The following PLPP1 variants were observed in gnomAD, a reference collection of about 807,000 sequenced individuals.
The protein encoded by PLPP1 is phospholipid phosphatase 1.
A neutral mutation model predicts 31.2 loss-of-function variants in PLPP1; 24 were observed. The ratio of observed to expected loss-of-function variants is 0.77; its 90% CI spans 0.56 to 1.08. The LOEUF is 1.08. PLPP1 is among the 50% of genes least tolerant of loss of function. The probability of loss-of-function intolerance (pLI) is 0.00; values close to 1 mark genes in which losing one functional copy is unlikely to be tolerated. For missense variants in PLPP1, 319 were observed against 342.7 expected, an observed-to-expected ratio of 0.93 and a Z score of 0.55; for synonymous variants, 146 against 126.3, an observed-to-expected ratio of 1.16 and a Z score of -1.05.
At chr5:55,431,659 T>C (rs1751351818) in intron 4 of PLPP1, among the ~76,000 whole-genome samples, 1 of 152,008 alleles carries the variant, frequency 6.6e-6, no homozygotes, top group Non-Finnish European at 1.5e-5. Context: ...ACATCAAAAA[T>C]CTAGAAAGAT....
chr5:55,484,269 C>T (rs1470964708), intron 1 of PLPP1: 2 of 152,190 alleles, frequency 1.3e-5, no homozygotes, highest in African/African-American at 2.4e-5. Flanking sequence ...GTCTCCTCTT[C>T]GTGATTTTCC....
At chr5:55,466,758 G>A (rs1752305469) in intron 3 of PLPP1, among the ~76,000 whole-genome samples, 1 of 151,822 alleles carries the variant, frequency 6.6e-6, no homozygotes, top group South Asian at 2.1e-4. Flanking sequence ...GCAGGCCCAC[G>A]TTGCTTTCAA....
intron 1 of PLPP1, among the ~76,000 whole-genome samples, chr5:55,519,246 A>G (rs1753613847): frequency 6.6e-6 from 1 of 152,250 alleles, no homozygotes; most frequent in Non-Finnish European, 1.5e-5. Context: ...TAACATCACA[A>G]TTTAAGAAAC....
chr5:55,441,657 A>C (rs1239542802), intron 4 of PLPP1, among the ~76,000 whole-genome samples, 194 bp downstream of exon 4: 1 of 152,236 alleles, frequency 6.6e-6, no homozygotes, highest in Admixed American at 6.5e-5. Context: ...GTGTTCCAGA[A>C]AACCACTTCA....
intron 4 of PLPP1, among the ~76,000 whole-genome samples, chr5:55,434,827 G>A (rs1751455820): frequency 6.6e-6 from 1 of 152,154 alleles, no homozygotes; most frequent in Non-Finnish European, 1.5e-5. Flanking sequence ...TAGGGGAAAC[G>A]CTTCAGGATA....
Position 55,426,651 on chromosome 5 carries a change from G to A in PLPP1, c.550-612C>T, listed in dbSNP as rs144283327. Among the ~76,000 whole-genome samples, 1,385 of 151,550 alleles carry A rather than the reference G, an allele frequency of 9.1e-3. 6 individuals are homozygous for A. The highest frequency in any genetic ancestry group is 0.014 in the Non-Finnish European group (975 of 67,920). On this transcript the variant is annotated intron_variant, in intron 4 of 5. Transcript: ENST00000307259. The stretch of plus-strand genomic sequence containing the variant: ...TCAAACTCCTCGTCTCAAGTAACCC[G>A]CCTGCATTGGCCTCCCAAAGTGCTG...
chr5:55,485,456 CAT>C (rs780663443), intron 1 of PLPP1, among the ~76,000 whole-genome samples: 30 of 152,204 alleles, frequency 2.0e-4, no homozygotes, highest in Non-Finnish European at 3.7e-4. Context: ...AATCTCAAAA[CAT>C]AGTTATTTTG....
intron 3 of PLPP1, among the ~76,000 whole-genome samples, chr5:55,467,095 A>G (rs549202506): frequency 6.6e-6 from 1 of 152,314 alleles, no homozygotes; most frequent in South Asian, 2.1e-4. Flanking sequence ...TAAGGGCGTT[A>G]TAAGACAGCA....
In PLPP1 at chr5:55,493,223, G is replaced by A. The variant is rs981710860; in HGVS notation, c.59-17773C>T. Among the ~76,000 whole-genome samples the A allele has an allele frequency of 5.3e-5, 8 of 151,746 alleles. No homozygotes were observed. In the South Asian group the frequency reaches 1.7e-3, roughly 32 times the overall value. ...CCAGCTACTCAGGAGGGTGAGGCAG[G>A]AGGATCCCTTGAGCCCAAGAGGTAA... On this transcript the variant is annotated intron_variant, in intron 1 of 5. Transcript: ENST00000307259.
rs528008593 is a variant in PLPP1, at chr5:55,511,912, G to A, written c.58+22660C>T. Among the ~76,000 whole-genome samples the A allele has an allele frequency of 1.7e-3, 254 of 150,720 alleles. 1 individual carries two copies. Among genetic ancestry groups the A allele is most frequent in the Non-Finnish European group, 2.9e-3 (197 of 67,744 alleles). On this transcript the variant is annotated intron_variant, in intron 1 of 5. Coordinates refer to ENST00000307259, the MANE Select transcript of PLPP1 (RefSeq NM_003711.4). Reference sequence around the variant, plus strand: ...TCTCAATCTCCTGACCTCGTGATCCGTCCACCTCGGCCTCCCAAAGTGCTG... The same window carrying A: ...TCTCAATCTCCTGACCTCGTGATCCATCCACCTCGGCCTCCCAAAGTGCTG...
chr5:55,453,797 C>A (rs555272161), intron 3 of PLPP1, among the ~76,000 whole-genome samples: 1 of 152,004 alleles, frequency 6.6e-6, no homozygotes, highest in East Asian at 1.9e-4. Context: ...AAAAATTAGC[C>A]GGGTGCAGTG....
intron 1 of PLPP1, chr5:55,491,039 CTGT>C: frequency 6.2e-7 from 1 of 1,613,578 alleles, no homozygotes; most frequent in East Asian, 2.2e-5. Flanking sequence ...ATAGTTGATG[CTGT>C]TGTCTTTACA....
intron 3 of PLPP1, among the ~76,000 whole-genome samples, chr5:55,445,152 A>G (rs1054425005): frequency 6.6e-6 from 1 of 152,092 alleles, no homozygotes; most frequent in Non-Finnish European, 1.5e-5. Context: ...CTGATCCCCA[A>G]TATCATGGCA....
chr5:55,463,281 A>C (rs1335240858), intron 3 of PLPP1, among the ~76,000 whole-genome samples: 2 of 152,170 alleles, frequency 1.3e-5, no homozygotes, highest in Non-Finnish European at 2.9e-5. Flanking sequence ...GCAGCAAACC[A>C]CCATGGCACA....
chr5:55,436,001 G>A (rs1274727790), intron 4 of PLPP1, among the ~76,000 whole-genome samples: 5 of 121,980 alleles, frequency 4.1e-5, no homozygotes, highest in Non-Finnish European at 8.5e-5. Flanking sequence ...GCGACAGAGT[G>A]AGACTCTGTC....
At chr5:55,511,812 G>T (rs1469437010) in intron 1 of PLPP1, among the ~76,000 whole-genome samples, 1 of 150,928 alleles carries the variant, frequency 6.6e-6, no homozygotes, top group South Asian at 2.1e-4. Context: ...TGCAGGCGCC[G>T]GCTACCACGC....
chr5:55,474,065 C>T (rs1198007625), intron 2 of PLPP1, among the ~76,000 whole-genome samples: 2 of 150,170 alleles, frequency 1.3e-5, no homozygotes, highest in South Asian at 2.1e-4. Flanking sequence ...GGTGCAATCT[C>T]GGCTCACTGC....
At chr5:55,489,060 T>C (rs1474884148) in intron 1 of PLPP1, among the ~76,000 whole-genome samples, 1 of 151,984 alleles carries the variant, frequency 6.6e-6, no homozygotes, top group Non-Finnish European at 1.5e-5. Flanking sequence ...TAACTGGGCA[T>C]GGCAGCGCAC....
chr5:55,438,684 G>A (rs1751550941), intron 4 of PLPP1, among the ~76,000 whole-genome samples: 1 of 152,080 alleles, frequency 6.6e-6, no homozygotes, highest in Admixed American at 6.5e-5. Flanking sequence ...GGCGGATCAC[G>A]AGGTCAGGAG....
Sources: allele counts gnomAD v4.1 joint callset (sites outside exome capture counted in the v4.1 genomes callset), GRCh38; gene constraint gnomAD v4.1.1; transcripts MANE v1.5; gene names NCBI Gene and HGNC (gene_info 2026-07-23, HGNC 2026-07-21).